The following SETDB2 variants were observed in gnomAD, a reference collection of about 807,000 sequenced individuals.
SETDB2 encodes SET domain bifurcated histone lysine methyltransferase 2, also known as histone-lysine N-methyltransferase SETDB2.
Under a neutral mutation model 82.5 loss-of-function variants are expected in SETDB2, and 56 were observed. The ratio of observed to expected loss-of-function variants is 0.68; its 90% CI spans 0.55 to 0.85. The LOEUF (loss-of-function observed/expected upper bound fraction) is 0.85, where lower values mean the gene tolerates loss of function less well. SETDB2 is among the 40% of genes least tolerant of loss of function. SETDB2 has a pLI of 0.00. For missense variants in SETDB2, 677 were observed against 816.4 expected (o/e 0.83, Z 2.08); for synonymous variants, 272 against 284.9 (o/e 0.95, Z 0.46).
rs1249435378 is a variant in SETDB2, at chr13:49,482,793, A to C, written c.1213A>C (p.Arg405=). The part of the protein sequence containing the change: ...EKSYGIDENG[R]DENTMKNIFS... ...ATCTTATGGTATTGATGAAAACGGGAGAGATGAGAATACTATGAAAAATAT... is the reference window on the plus strand; with the variant it reads ...ATCTTATGGTATTGATGAAAACGGGCGAGATGAGAATACTATGAAAAATAT... Residue 405 remains arginine (R), a synonymous_variant, in exon 9 of 14, where the codon AGA becomes CGA. Transcript: ENST00000611815. The C allele has an allele frequency of 6.2e-7, 1 of 1,612,768 alleles. No homozygotes were observed. The highest frequency in any genetic ancestry group is 8.5e-7 in the Non-Finnish European group (1 of 1,179,062).
chr13:49,494,614 T>C lies in SETDB2; in HGVS notation c.*2765T>C, dbSNP rs1273316049. The C allele has an allele frequency of 6.6e-6, 1 of 152,298 alleles. No homozygotes were observed. The highest frequency in any genetic ancestry group is 6.5e-5 in the Admixed American group (1 of 15,300). The allele number at this position is 152,298 out of a possible 1,614,324, so 9.4% of individuals were successfully genotyped here. ...CCTTTCATTTTGGCCTGGCAAGAAA[T>C]ACTCTTTCATCCTCCTGCATGGAGG... On this transcript the variant is annotated 3_prime_UTR_variant, in exon 14 of 14. Transcript: ENST00000611815.
chr13:49,487,360 G>A (rs1271412006), intron 11 of SETDB2, among the ~76,000 whole-genome samples: 1 of 151,846 alleles, frequency 6.6e-6, no homozygotes, highest in Non-Finnish European at 1.5e-5. Flanking sequence ...AAGAGAGACA[G>A]CGACTCATTC....
chr13:49,473,855 TATACC>T (rs1236602075), intron 5 of SETDB2, among the ~76,000 whole-genome samples: 1 of 152,202 alleles, frequency 6.6e-6, no homozygotes, highest in Non-Finnish European at 1.5e-5. Flanking sequence ...GAGTTCAGGT[TATACC>T]ATAATTCCTT....
In SETDB2 at chr13:49,444,315, G is replaced by A. The variant is rs556539938; in HGVS notation, c.-884G>A. The A allele has an allele frequency of 9.6e-6, 3 of 310,926 alleles. No individual in the cohort carries two copies. Among genetic ancestry groups the A allele is most frequent in the African/African-American group, 4.4e-5 (2 of 44,986 alleles). 19.3% of individuals were successfully genotyped at this position (310,926 alleles called of 1,614,324 possible). ...CTCATCCCCGGTAGAGGCAGGGCGGGACTGTTGTGGTTGAGATGAAGGCTA... is the reference window on the plus strand; with the variant it reads ...CTCATCCCCGGTAGAGGCAGGGCGGAACTGTTGTGGTTGAGATGAAGGCTA... On this transcript the variant is annotated 5_prime_UTR_variant, in exon 1 of 14. Coordinates refer to ENST00000611815, the MANE Select transcript of SETDB2 (RefSeq NM_001160308.3).
intron 9 of SETDB2, among the ~76,000 whole-genome samples, 167 bp downstream of exon 9, chr13:49,483,129 A>G (rs2138970820): frequency 6.6e-6 from 1 of 152,332 alleles, no homozygotes; most frequent in South Asian, 2.1e-4. Flanking sequence ...AAATCTAGCC[A>G]ATATACCATC....
chr13:49,472,537 C>T (rs910825847), intron 5 of SETDB2, among the ~76,000 whole-genome samples: 3 of 152,136 alleles, frequency 2.0e-5, no homozygotes, highest in Non-Finnish European at 4.4e-5. Context: ...TAATCAATGA[C>T]TGGGTTTACA....
In SETDB2 at chr13:49,487,392, G is replaced by T. The variant is rs141188655; in HGVS notation, c.1577-898G>T. Among the ~76,000 whole-genome samples, 132 of 152,244 alleles carry T rather than the reference G, an allele frequency of 8.7e-4. 1 individual carries two copies. The highest frequency in any genetic ancestry group is 2.9e-3 in the African/African-American group (121 of 41,552). On this transcript the variant is annotated intron_variant, in intron 11 of 13. Transcript: ENST00000611815. ...ATTCTGTCACCCAAGCTGGAGTGCA[G>T]TGGTGGGATCATAGCTCACTGTACC... is the stretch of plus-strand genomic sequence containing the variant.
intron 1 of SETDB2, among the ~76,000 whole-genome samples, chr13:49,448,507 T>C (rs1957733242): frequency 6.6e-6 from 1 of 152,232 alleles, no homozygotes. Context: ...CATTTCTAAA[T>C]GTTCTTAAAT....
rs1412021398 is a variant in SETDB2, at chr13:49,493,768, G to C, written c.*1919G>C. 1 of 152,236 alleles carries C rather than the reference G, an allele frequency of 6.6e-6. No homozygotes were observed. The highest frequency in any genetic ancestry group is 1.5e-5 in the Non-Finnish European group (1 of 68,056). The allele number at this position is 152,236 out of a possible 1,614,324, so 9.4% of individuals were successfully genotyped here. On this transcript the variant is annotated 3_prime_UTR_variant, in exon 14 of 14. Coordinates refer to ENST00000611815, the MANE Select transcript of SETDB2 (RefSeq NM_001160308.3). ...AAGACATCTGCTAGCTTTCAGTGCT[G>C]TTGCTGTGGAGTCTGAAAATCTGTC... is the stretch of plus-strand genomic sequence containing the variant.
At position 49,482,970 on chromosome 13, in the gene SETDB2, A is replaced by G. The variant is rs1312824100; in HGVS notation, c.1382+8A>G. 1 of 1,512,966 alleles carries G rather than the reference A, an allele frequency of 6.6e-7. No individual in the cohort carries two copies. The highest frequency in any genetic ancestry group is 1.8e-5 in the Admixed American group (1 of 56,632). 93.7% of individuals were successfully genotyped at this position (1,512,966 alleles called of 1,614,324 possible). A position where few individuals can be genotyped will look rare whatever the true frequency, so the allele number is the denominator to read the frequency against. The stretch of plus-strand genomic sequence containing the variant: ...TCCCAAGGAGCTTACTGTGTAAGTA[A>G]CAGCTGAGGAACCCAGAGTAAATCT... On this transcript the variant is annotated splice_region_variant and intron_variant, in intron 9 of 13. Coordinates refer to ENST00000611815, the MANE Select transcript of SETDB2 (RefSeq NM_001160308.3).
chr13:49,461,332 C>T (rs1957988289), intron 4 of SETDB2, among the ~76,000 whole-genome samples, 170 bp downstream of exon 4: 1 of 152,134 alleles, frequency 6.6e-6, no homozygotes, highest in Non-Finnish European at 1.5e-5. Context: ...AAAGTCCTAC[C>T]CATCTAGAGA....
chr13:49,460,776 T>C (rs1957977057), intron 3 of SETDB2, among the ~76,000 whole-genome samples: 1 of 152,190 alleles, frequency 6.6e-6, no homozygotes, highest in Non-Finnish European at 1.5e-5. Context: ...TTTAGTACTT[T>C]CTGGATGGTC....
intron 5 of SETDB2, among the ~76,000 whole-genome samples, chr13:49,474,385 A>G (rs1405593853): frequency 6.6e-6 from 1 of 152,222 alleles, no homozygotes; most frequent in Admixed American, 6.5e-5. Context: ...ACTCTCATTT[A>G]TTGCTGAAGA....
intron 5 of SETDB2, among the ~76,000 whole-genome samples, chr13:49,468,375 C>CT (rs1225663933): frequency 6.6e-6 from 1 of 152,022 alleles, no homozygotes; most frequent in Non-Finnish European, 1.5e-5. Flanking sequence ...TGGGAATAGA[C>CT]TAAATTTTTC....
intron 4 of SETDB2, among the ~76,000 whole-genome samples, chr13:49,463,322 T>G (rs1958035455): frequency 6.6e-6 from 1 of 152,120 alleles, no homozygotes; most frequent in South Asian, 2.1e-4. Flanking sequence ...ACTTTTAATT[T>G]TATATGCACA....
Position 49,488,285 on chromosome 13 carries a change from A to G in SETDB2, c.1577-5A>G, listed in dbSNP as rs765083895. On this transcript the variant is annotated splice_region_variant and splice_polypyrimidine_tract_variant and intron_variant, in intron 11 of 13. Coordinates refer to ENST00000611815, the MANE Select transcript of SETDB2 (RefSeq NM_001160308.3). Reference sequence around the variant, plus strand: ...CCTGATGTTTCCTTCCAAAATGTCTATTAGAGGACTCAAGTTCAAACCATG... The same window carrying G: ...CCTGATGTTTCCTTCCAAAATGTCTGTTAGAGGACTCAAGTTCAAACCATG... 9.5e-6 allele frequency: 15 copies of G among 1,571,904 alleles called. No homozygotes were observed. Among genetic ancestry groups the G allele is most frequent in the Non-Finnish European group, 1.2e-5 (14 of 1,165,598 alleles).
At chr13:49,463,151 G>A (rs954755005) in intron 4 of SETDB2, among the ~76,000 whole-genome samples, 10 of 147,722 alleles carry the variant, frequency 6.8e-5, no homozygotes, top group South Asian at 4.3e-4. Context: ...GACTACGGGC[G>A]CATGCCGCCA....
chr13:49,490,413 A>G (rs969931448), intron 12 of SETDB2, among the ~76,000 whole-genome samples: 4 of 152,152 alleles, frequency 2.6e-5, no homozygotes, highest in South Asian at 2.1e-4. Context: ...TATTTAACCA[A>G]TCTGCTTTAG....
chr13:49,487,001 G>A (rs943238693), intron 11 of SETDB2, among the ~76,000 whole-genome samples: 7 of 152,104 alleles, frequency 4.6e-5, no homozygotes, highest in African/African-American at 1.7e-4. Flanking sequence ...ATTTTATCAT[G>A]CATGTGAGCC....
Sources: gnomAD v4.1 joint callset for allele counts (sites outside exome capture counted in the v4.1 genomes callset) on GRCh38, gnomAD v4.1.1 for gene constraint, MANE v1.5 for transcripts, NCBI Gene and HGNC (gene_info 2026-07-23, HGNC 2026-07-21) for gene names.